The following TRPC6 variants were observed in gnomAD, a reference collection of about 807,000 sequenced individuals.
The protein encoded by TRPC6 is transient receptor potential cation channel subfamily C member 6, also known as short transient receptor potential channel 6.
A neutral mutation model predicts 90.7 loss-of-function variants in TRPC6; 55 were observed. That is an observed-to-expected ratio of 0.61 (90% CI 0.49 to 0.76). The LOEUF is 0.76. Ranked by LOEUF, TRPC6 falls within the 30% of genes least tolerant of loss-of-function variation. The pLI, the probability that TRPC6 is intolerant of heterozygous loss-of-function variation, is 0.00. For missense variants in TRPC6, 989 were observed against 1,122.7 expected, an observed-to-expected ratio of 0.88 and a Z score of 1.70; for synonymous variants, 393 against 393.0, an observed-to-expected ratio of 1.00 and a Z score of 0.00.
intron 1 of TRPC6, among the ~76,000 whole-genome samples, chr11:101,516,762 C>T (rs138750174): frequency 3.3e-5 from 5 of 152,286 alleles, no homozygotes; most frequent in East Asian, 1.9e-4. Context: ...ATCCTGGGAA[C>T]GCAGGGTTCC....
intron 1 of TRPC6, among the ~76,000 whole-genome samples, chr11:101,518,074 T>C (rs572175010): frequency 2.6e-5 from 4 of 152,340 alleles, no homozygotes; most frequent in East Asian, 1.9e-4. Flanking sequence ...AGTTGTGATA[T>C]ACTGGTATAT....
intron 1 of TRPC6, among the ~76,000 whole-genome samples, chr11:101,573,921 C>CGTGTGTGTGTGTGTGTGTGTGTGTGT (rs58766729): frequency 1.5e-5 from 2 of 131,974 alleles, no homozygotes; most frequent in Non-Finnish European, 3.3e-5. Flanking sequence ...GAAACAAATA[C>CGTGTGTGTGTGTGTGTGTGTGTGTGT]GTGTGTGTGT....
rs1038740787 is a variant in TRPC6, at chr11:101,521,275, C to T, written c.171-16477G>A. Reference sequence around the variant, plus strand: ...GACACTGCTCCCTGTTTCCCAGCCACTCCAGCTCCAGCTGCGGCTGAAAGG... The same window carrying T: ...GACACTGCTCCCTGTTTCCCAGCCATTCCAGCTCCAGCTGCGGCTGAAAGG... On this transcript the variant is annotated intron_variant, in intron 1 of 12. Transcript: ENST00000344327. Among the ~76,000 whole-genome samples, 4 of 152,198 alleles carry T rather than the reference C, an allele frequency of 2.6e-5. No homozygotes were observed. In the East Asian group the frequency reaches 5.8e-4, roughly 22 times the overall value.
At chr11:101,489,574 T>A (rs1237895919) in intron 3 of TRPC6, among the ~76,000 whole-genome samples, 1 of 152,136 alleles carries the variant, frequency 6.6e-6, no homozygotes, top group Non-Finnish European at 1.5e-5. Context: ...TTTATTCTAT[T>A]GATCTCTCCT....
chr11:101,519,591 C>T (rs1860605684), intron 1 of TRPC6, among the ~76,000 whole-genome samples: 1 of 151,960 alleles, frequency 6.6e-6, no homozygotes, highest in Non-Finnish European at 1.5e-5. Flanking sequence ...GCTAGTGGCA[C>T]CCCAATTTTC....
chr11:101,520,172 C>T (rs973473800), intron 1 of TRPC6, among the ~76,000 whole-genome samples: 1 of 151,958 alleles, frequency 6.6e-6, no homozygotes, highest in South Asian at 2.1e-4. Context: ...GGTGGATTTT[C>T]CCCTTTCCAT....
chr11:101,529,880 C>T (rs1817727968), intron 1 of TRPC6, among the ~76,000 whole-genome samples: 2 of 152,234 alleles, frequency 1.3e-5, no homozygotes, highest in South Asian at 4.1e-4. Context: ...CAGGCCCACA[C>T]TTGGGTGGCA....
intron 1 of TRPC6, among the ~76,000 whole-genome samples, chr11:101,510,196 C>T (rs968913632): frequency 1.3e-5 from 2 of 152,080 alleles, no homozygotes; most frequent in Non-Finnish European, 2.9e-5. Context: ...CTCCCTGCCT[C>T]TCCTATGCAA....
chr11:101,467,125 G>A (rs1375904109), intron 10 of TRPC6, among the ~76,000 whole-genome samples: 1 of 152,206 alleles, frequency 6.6e-6, no homozygotes, highest in Non-Finnish European at 1.5e-5. Context: ...CTTGCTGGGA[G>A]CTGCAGACCA....
intron 1 of TRPC6, among the ~76,000 whole-genome samples, chr11:101,582,493 G>A (rs928680798): frequency 2.0e-5 from 3 of 152,034 alleles, no homozygotes; most frequent in African/African-American, 7.2e-5. Context: ...AGCGGTGTCG[G>A]GGAAGCGGAG....
intron 10 of TRPC6, among the ~76,000 whole-genome samples, chr11:101,461,260 C>T (rs1858998115): frequency 6.6e-6 from 1 of 152,072 alleles, no homozygotes; most frequent in African/African-American, 2.4e-5. Flanking sequence ...CTAAAATGTC[C>T]TAGCAAATTA....
At chr11:101,551,567 T>A (rs76723664) in intron 1 of TRPC6, among the ~76,000 whole-genome samples, 1 of 152,004 alleles carries the variant, frequency 6.6e-6, no homozygotes, top group Non-Finnish European at 1.5e-5. Context: ...TACTCTCTCA[T>A]ACAGTCATAA....
intron 1 of TRPC6, among the ~76,000 whole-genome samples, chr11:101,570,510 A>G (rs1463712885): frequency 6.6e-6 from 1 of 152,172 alleles, no homozygotes; most frequent in Non-Finnish European, 1.5e-5. Flanking sequence ...AGAATCCTCC[A>G]TAACTCATTT....
At chr11:101,570,291 T>C (rs1017579698) in intron 1 of TRPC6, among the ~76,000 whole-genome samples, 15 of 152,334 alleles carry the variant, frequency 9.8e-5, no homozygotes, top group South Asian at 4.1e-4. Context: ...GATAAGCTCC[T>C]GGACACATAC....
At position 101,583,372 on chromosome 11, in the gene TRPC6, CGGGCAGCCGT is replaced by C; in HGVS notation, c.122_131del (p.Asp41GlyfsTer36). On this transcript the variant is annotated frameshift_variant, in exon 1 of 13. Transcript: ENST00000344327. LOFTEE classifies it high-confidence loss of function. ...AGCCGTAGCAAGGCAGCGGGGCTTG[CGGGCAGCCGT>C]CTTCTCCCAGCTCCGAGTCCATGAG... 1 of 1,593,522 alleles carries C rather than the reference CGGGCAGCCGT, an allele frequency of 6.3e-7. No homozygotes were observed. The highest frequency in any genetic ancestry group is 1.1e-5 in the South Asian group (1 of 88,154).
At chr11:101,543,358 T>G in intron 1 of TRPC6, among the ~76,000 whole-genome samples, 1 of 151,984 alleles carries the variant, frequency 6.6e-6, no homozygotes, top group East Asian at 1.9e-4. Flanking sequence ...CCAAGACAAA[T>G]TGGAAAAAAC....
Position 101,469,511 on chromosome 11 carries a change from A to C in TRPC6, c.2410-10T>G, listed in dbSNP as rs202226900. 4.0e-6 allele frequency: 3 copies of C among 751,034 alleles called. No homozygotes were observed. The highest frequency in any genetic ancestry group is 7.5e-6 in the Non-Finnish European group (3 of 401,744). The allele number at this position is 751,034 out of a possible 1,614,324, so 46.5% of individuals were successfully genotyped here. On this transcript the variant is annotated splice_polypyrimidine_tract_variant and intron_variant, in intron 9 of 12. Coordinates refer to ENST00000344327, the MANE Select transcript of TRPC6 (RefSeq NM_004621.6). ...TCTTTTCTTCATTTATCTTTTAAAG[A>C]TAGATAGTAAAATGAGTATAACTGC...
At chr11:101,527,612 G>T (rs1162000844) in intron 1 of TRPC6, among the ~76,000 whole-genome samples, 2 of 151,988 alleles carry the variant, frequency 1.3e-5, no homozygotes, top group Non-Finnish European at 2.9e-5. Context: ...CATTTTGAAG[G>T]CTTTATAAAA....
chr11:101,553,450 A>G (rs1022716161), intron 1 of TRPC6, among the ~76,000 whole-genome samples: 1 of 152,108 alleles, frequency 6.6e-6, no homozygotes, highest in African/African-American at 2.4e-5. Flanking sequence ...CATAGGCTAA[A>G]TGCAAATATC....
Sources: allele counts gnomAD v4.1 joint callset (sites outside exome capture counted in the v4.1 genomes callset), GRCh38; gene constraint gnomAD v4.1.1; transcripts MANE v1.5; gene names NCBI Gene and HGNC (gene_info 2026-07-23, HGNC 2026-07-21).